CYTH1: variants seen among roughly 807,000 people sequenced by gnomAD.
The protein encoded by CYTH1 is cytohesin 1.
CYTH1 carries 18 observed loss-of-function variants against 61.8 expected under a neutral mutation model. The ratio of observed to expected loss-of-function variants is 0.29; its 90% CI spans 0.20 to 0.43. The LOEUF is 0.43. CYTH1 is among the 20% of genes least tolerant of loss of function. CYTH1 has a pLI of 1.00. For missense variants in CYTH1, 336 were observed against 510.5 expected (o/e 0.66, Z 3.29); for synonymous variants, 174 against 184.3 (o/e 0.94, Z 0.45).
intron 1 of CYTH1, among the ~76,000 whole-genome samples, chr17:78,734,399 TACCA>T (rs2093310201): frequency 3.6e-4 from 1 of 2,798 alleles, no homozygotes; most frequent in Non-Finnish European, 5.4e-4. Flanking sequence ...CGAATGTATG[TACCA>T]ATGTACCAAT....
In CYTH1 at chr17:78,731,755, C is replaced by CAA. The variant is rs376349109; in HGVS notation, c.23-22025_23-22024dup. ...CCTGGGCGACAGCGAGACTCCGTCT[C>CAA]AAAAAAAAAAAAAAAACAAAAAAAA... is the stretch of plus-strand genomic sequence containing the variant. On this transcript the variant is annotated intron_variant, in intron 1 of 13. Transcript: ENST00000446868. 3.5e-3 allele frequency among the ~76,000 whole-genome samples: 258 copies of CAA among 73,402 alleles called. 2 individuals carry two copies. Among genetic ancestry groups the CAA allele is most frequent in the African/African-American group, 5.1e-3 (83 of 16,192 alleles). 48.2% of individuals were successfully genotyped at this position (73,402 alleles called of 152,430 possible).
chr17:78,719,239 T>G (rs1022598568), intron 1 of CYTH1, among the ~76,000 whole-genome samples: 4 of 152,198 alleles, frequency 2.6e-5, no homozygotes, highest in African/African-American at 9.7e-5. Flanking sequence ...TATCTGTGCC[T>G]CAAAGCAAAC....
chr17:78,694,237 A>G (rs976266884), intron 10 of CYTH1, among the ~76,000 whole-genome samples: 1 of 152,230 alleles, frequency 6.6e-6, no homozygotes, highest in Non-Finnish European at 1.5e-5. Context: ...ACTGATCATT[A>G]ATTGCCAAGA....
At chr17:78,721,315 G>A (rs964965749) in intron 1 of CYTH1, among the ~76,000 whole-genome samples, 3 of 152,118 alleles carry the variant, frequency 2.0e-5, no homozygotes, top group African/African-American at 4.8e-5. Context: ...GGGCGACAGA[G>A]CAAGACTCCG....
At chr17:78,757,912 A>C (rs78949204) in intron 1 of CYTH1, among the ~76,000 whole-genome samples, 1 of 147,912 alleles carries the variant, frequency 6.8e-6, no homozygotes, top group Non-Finnish European at 1.5e-5. Flanking sequence ...ACTCTGCCTC[A>C]AAAAAAAAAA....
At chr17:78,745,779 C>A (rs1228161977) in intron 1 of CYTH1, among the ~76,000 whole-genome samples, 1 of 152,126 alleles carries the variant, frequency 6.6e-6, no homozygotes, top group Admixed American at 6.6e-5. Flanking sequence ...GTAGTCCCAG[C>A]TACTCGGGAG....
intron 1 of CYTH1, among the ~76,000 whole-genome samples, chr17:78,781,717 G>A (rs2093518766): frequency 6.6e-6 from 1 of 152,054 alleles, no homozygotes; most frequent in African/African-American, 2.4e-5. Context: ...ACGCGGGCCC[G>A]GCCATCCGCG....
intron 1 of CYTH1, among the ~76,000 whole-genome samples, chr17:78,738,003 CATA>C: frequency 6.6e-6 from 1 of 152,174 alleles, no homozygotes; most frequent in African/African-American, 2.4e-5. Context: ...TCAGTCTAGA[CATA>C]ATATTTAACC....
chr17:78,761,797 T>C (rs1220542456), intron 1 of CYTH1, among the ~76,000 whole-genome samples: 3 of 152,198 alleles, frequency 2.0e-5, no homozygotes, highest in Non-Finnish European at 4.4e-5. Context: ...ATTCCTCTTA[T>C]TAGAATGCTA....
intron 1 of CYTH1, among the ~76,000 whole-genome samples, chr17:78,737,220 T>G (rs551768109): frequency 1.3e-5 from 2 of 152,258 alleles, no homozygotes; most frequent in South Asian, 4.1e-4. Flanking sequence ...TCCTTAATTA[T>G]TTGCACATAA....
chr17:78,689,849 G>C (rs918348548), intron 11 of CYTH1, among the ~76,000 whole-genome samples: 1 of 152,158 alleles, frequency 6.6e-6, no homozygotes, highest in South Asian at 2.1e-4. Context: ...GTCCTGTTCA[G>C]TTTGCCTCCT....
intron 1 of CYTH1, among the ~76,000 whole-genome samples, chr17:78,768,541 C>T (rs781743728): frequency 6.6e-6 from 1 of 152,198 alleles, no homozygotes; most frequent in Non-Finnish European, 1.5e-5. Context: ...TGCTCACCTT[C>T]GTCACCCTGT....
intron 1 of CYTH1, among the ~76,000 whole-genome samples, chr17:78,761,750 A>C (rs2093429803): frequency 6.6e-6 from 1 of 152,252 alleles, no homozygotes; most frequent in Non-Finnish European, 1.5e-5. Flanking sequence ...AAACAAAAAA[A>C]AAAGAGTGTT....
At chr17:78,726,722 G>A (rs1277261745) in intron 1 of CYTH1, among the ~76,000 whole-genome samples, 3 of 152,080 alleles carry the variant, frequency 2.0e-5, no homozygotes, top group Non-Finnish European at 4.4e-5. Context: ...ACCGAGACAG[G>A]TGGATTCTAT....
chr17:78,782,237 G>T lies in CYTH1; in HGVS notation c.-14C>A, dbSNP rs1398747159. The T allele has an allele frequency of 7.6e-7, 1 of 1,310,190 alleles. No homozygotes were observed. 81.2% of individuals were successfully genotyped at this position (1,310,190 alleles called of 1,614,324 possible). ...GTCCTCCTCCATGGTGCGGGAGCCG[G>T]GCTCCGCGCTCCGGCTCGCCGCTCG... On this transcript the variant is annotated 5_prime_UTR_variant, in exon 1 of 14. Transcript: ENST00000446868.
intron 10 of CYTH1, among the ~76,000 whole-genome samples, chr17:78,693,653 A>AC (rs1452972388): frequency 6.6e-6 from 1 of 151,526 alleles, no homozygotes; most frequent in East Asian, 1.9e-4. Flanking sequence ...AAAAAAAAAA[A>AC]GTTGGGGTTG....
At chr17:78,746,060 A>G (rs958137208) in intron 1 of CYTH1, among the ~76,000 whole-genome samples, 1 of 152,156 alleles carries the variant, frequency 6.6e-6, no homozygotes, top group East Asian at 1.9e-4. Flanking sequence ...GTCCACACAC[A>G]CTGGCTAATT....
chr17:78,774,010 T>C (rs2093481664), intron 1 of CYTH1, among the ~76,000 whole-genome samples: 1 of 152,216 alleles, frequency 6.6e-6, no homozygotes, highest in African/African-American at 2.4e-5. Context: ...TCAGTAGATT[T>C]AATAAGTCAC....
At chr17:78,774,349 A>T (rs2093483089) in intron 1 of CYTH1, among the ~76,000 whole-genome samples, 1 of 152,230 alleles carries the variant, frequency 6.6e-6, no homozygotes, top group Non-Finnish European at 1.5e-5. Context: ...CAATAAAGGC[A>T]AATCAGTAAG....
Sources: allele counts gnomAD v4.1 joint callset (sites outside exome capture counted in the v4.1 genomes callset), GRCh38; gene constraint gnomAD v4.1.1; transcripts MANE v1.5; gene names NCBI Gene and HGNC (gene_info 2026-07-23, HGNC 2026-07-21).